PRKG1: variants seen among roughly 807,000 people sequenced by gnomAD.
PRKG1 encodes the protein cGMP-dependent protein kinase 1.
In PRKG1, 35 loss-of-function variants were observed where a neutral mutation model predicts 88.1. The observed-to-expected ratio is 0.40, with a 90% CI of 0.30 to 0.53. The LOEUF is 0.53. Among genes scored for constraint, PRKG1 ranks in the 20% least tolerant of loss-of-function variants. The pLI is 0.59. For synonymous variants in PRKG1, 303 were observed against 292.5 expected (o/e 1.04, Z -0.37); for missense variants, 540 against 839.8 (o/e 0.64, Z 4.41).
chr10:51,636,317 G>A (rs1258573040), intron 3 of PRKG1, among the ~76,000 whole-genome samples: 1 of 152,154 alleles, frequency 6.6e-6, no homozygotes, highest in Admixed American at 6.5e-5. Flanking sequence ...ATATTCAAAA[G>A]CAAAACCATT....
At chr10:51,631,723 G>A (rs778915935) in intron 3 of PRKG1, among the ~76,000 whole-genome samples, 1 of 152,210 alleles carries the variant, frequency 6.6e-6, no homozygotes, top group Non-Finnish European at 1.5e-5. Context: ...TCACAATAGC[G>A]TTCGCGCTCC....
At chr10:51,529,668 G>A (rs9988728) in intron 3 of PRKG1, among the ~76,000 whole-genome samples, 40,226 of 151,326 alleles carry the variant, frequency 0.27, 5,689 homozygotes, top group Admixed American at 0.36. Flanking sequence ...CACTGAAATA[G>A]CAATACAGAC....
intron 3 of PRKG1, among the ~76,000 whole-genome samples, chr10:51,728,747 C>T (rs1286506378): frequency 6.6e-6 from 1 of 152,052 alleles, no homozygotes; most frequent in Non-Finnish European, 1.5e-5. Context: ...AGGAAACTTC[C>T]AGGAGCTTAG....
At chr10:51,079,693 G>A (rs1343107881) in intron 1 of PRKG1, among the ~76,000 whole-genome samples, 1 of 151,984 alleles carries the variant, frequency 6.6e-6, no homozygotes, top group African/African-American at 2.4e-5. Context: ...GTGTGTGTGT[G>A]TGTGTGTGTG....
intron 4 of PRKG1, among the ~76,000 whole-genome samples, chr10:51,904,057 C>T (rs2132939272): frequency 6.6e-6 from 1 of 152,208 alleles, no homozygotes; most frequent in Non-Finnish European, 1.5e-5. Context: ...TAAGTCGTTG[C>T]TACATTCAAT....
intron 2 of PRKG1, among the ~76,000 whole-genome samples, chr10:51,456,281 G>A (rs954936848): frequency 1.3e-5 from 2 of 152,086 alleles, no homozygotes; most frequent in African/African-American, 2.4e-5. Context: ...CCCAAAACAC[G>A]TGGGAATTGT....
intron 2 of PRKG1, among the ~76,000 whole-genome samples, chr10:51,301,751 T>C (rs1840893957): frequency 6.6e-6 from 1 of 152,184 alleles, no homozygotes; most frequent in Admixed American, 6.5e-5. Context: ...TAAGAAGCCC[T>C]GTTGTAATTG....
At chr10:51,322,441 C>A (rs1841481078) in intron 2 of PRKG1, among the ~76,000 whole-genome samples, 1 of 152,114 alleles carries the variant, frequency 6.6e-6, no homozygotes, top group South Asian at 2.1e-4. Flanking sequence ...GATTCTGCAG[C>A]CTTTCCAAGT....
chr10:52,047,725 G>A (rs923309238), intron 5 of PRKG1, among the ~76,000 whole-genome samples: 1 of 152,088 alleles, frequency 6.6e-6, no homozygotes, highest in Non-Finnish European at 1.5e-5. Context: ...ACATGAAAAG[G>A]TCTTGCCTTT....
intron 3 of PRKG1, among the ~76,000 whole-genome samples, chr10:51,768,601 G>T (rs1838228040): frequency 6.6e-6 from 1 of 152,084 alleles, no homozygotes; most frequent in Admixed American, 6.6e-5. Context: ...GGATTGAGCA[G>T]TGATAAAATT....
At chr10:51,877,473 T>C (rs1841327617) in intron 4 of PRKG1, among the ~76,000 whole-genome samples, 1 of 152,214 alleles carries the variant, frequency 6.6e-6, no homozygotes, top group East Asian at 1.9e-4. Context: ...TTGAGCAGCA[T>C]TTTTCTGACA....
At chr10:52,185,259 G>T (rs1839164878) in intron 9 of PRKG1, among the ~76,000 whole-genome samples, 1 of 152,182 alleles carries the variant, frequency 6.6e-6, no homozygotes, top group African/African-American at 2.4e-5. Context: ...TTGGCCAAAA[G>T]AACAGAGCTA....
In PRKG1 at chr10:52,168,397, G is replaced by A. The variant is rs114764478; in HGVS notation, c.1076+6434G>A. Among the ~76,000 whole-genome samples the A allele has an allele frequency of 2.3e-3, 357 of 152,244 alleles. 1 individual carries two copies. The highest frequency in any genetic ancestry group is 8.3e-3 in the African/African-American group (344 of 41,550). On this transcript the variant is annotated intron_variant, in intron 9 of 17. Coordinates refer to ENST00000373980, the MANE Select transcript of PRKG1 (RefSeq NM_006258.4). ...AGCATGGAAAAAGCCCTCAAAGTGG[G>A]AAGCAACATTATATAGTCAAGGAAT...
At chr10:51,942,955 T>C (rs1477952209) in intron 5 of PRKG1, among the ~76,000 whole-genome samples, 2 of 151,888 alleles carry the variant, frequency 1.3e-5, no homozygotes, top group Non-Finnish European at 2.9e-5. Context: ...TGGTTCCATA[T>C]GAATTTGAAA....
intron 9 of PRKG1, among the ~76,000 whole-genome samples, chr10:52,192,074 A>T (rs1393608553): frequency 4.6e-5 from 7 of 152,164 alleles, no homozygotes; most frequent in Non-Finnish European, 8.8e-5. Context: ...AGATTTTTAA[A>T]ATTTTGCACA....
chr10:51,220,005 A>C (rs1207251270), intron 2 of PRKG1, among the ~76,000 whole-genome samples: 1 of 152,202 alleles, frequency 6.6e-6, no homozygotes, highest in Non-Finnish European at 1.5e-5. Flanking sequence ...TGGGCCTTAT[A>C]AGCAGAGAAC....
chr10:51,514,746 G>A (rs1453580717), intron 3 of PRKG1, among the ~76,000 whole-genome samples: 2 of 152,200 alleles, frequency 1.3e-5, no homozygotes, highest in Non-Finnish European at 2.9e-5. Flanking sequence ...GGAAGAGATG[G>A]TCAAGAGTTG....
rs180930910 is a variant in PRKG1 at position 52,044,058 on chromosome 10, G to C, written c.763-10426G>C. On this transcript the variant is annotated intron_variant, in intron 5 of 17. Coordinates refer to ENST00000373980, the MANE Select transcript of PRKG1 (RefSeq NM_006258.4). ...TGTCTTTGAATCATAAACTCTGAAGGTGTTCAAGAGGCTTAAAAGATAATG... is the reference window on the plus strand; with the variant it reads ...TGTCTTTGAATCATAAACTCTGAAGCTGTTCAAGAGGCTTAAAAGATAATG... Among the ~76,000 whole-genome samples the C allele has an allele frequency of 8.5e-5, 13 of 152,148 alleles. No individual in the cohort carries two copies. The East Asian group carries it at 2.3e-3, about 27-fold the overall frequency.
intron 3 of PRKG1, among the ~76,000 whole-genome samples, chr10:51,675,673 A>G (rs1840692758): frequency 6.6e-6 from 1 of 152,178 alleles, no homozygotes; most frequent in African/African-American, 2.4e-5. Context: ...CTCCCCTTCG[A>G]ATTGTTTTAA....
Sources: gnomAD v4.1 joint callset for allele counts (sites outside exome capture counted in the v4.1 genomes callset) on GRCh38, gnomAD v4.1.1 for gene constraint, MANE v1.5 for transcripts, NCBI Gene and HGNC (gene_info 2026-07-23, HGNC 2026-07-21) for gene names.